Variants in TNFSF13 observed in about 807,000 individuals in gnomAD.
TNFSF13 encodes tumor necrosis factor ligand superfamily member 13.
Under a neutral mutation model 30.7 loss-of-function variants are expected in TNFSF13, and 18 were observed. That is an observed-to-expected ratio of 0.59 (90% CI 0.41 to 0.87). The LOEUF is 0.87. TNFSF13 is among the 40% of genes least tolerant of loss of function. The pLI is 0.00. For synonymous variants in TNFSF13, 116 were observed against 123.2 expected (o/e 0.94, Z 0.39); for missense variants, 286 against 308.8 (o/e 0.93, Z 0.55).
At chr17:7,560,536 TAGC>T (rs754034203) in intron 5 of TNFSF13, 48 bp downstream of exon 5, 2 of 1,612,690 alleles carry the variant, frequency 1.2e-6, no homozygotes, top group South Asian at 2.2e-5. Context: ...TGACCGGGGG[TAGC>T]AGTGCAGGGA....
At position 7,559,121 on chromosome 17, in the gene TNFSF13, T is replaced by C. The variant is rs1384035297; in HGVS notation, c.82T>C (p.Ser28Pro). Residue 28 changes from serine (S) to proline (P), a missense_variant, in exon 1 of 6, where the codon TCA (serine) becomes CCA (proline). Transcript: ENST00000338784. The surrounding 1 kb of genome is among the most constrained non-coding windows in gnomAD (Gnocchi z 5.4). ...MGGPVREPALSVALWLSWGAA... is the reference protein window; with the variant it reads ...MGGPVREPALPVALWLSWGAA... Reference sequence around the variant, plus strand: ...GGGCCCAGTCAGAGAGCCGGCACTCTCAGTTGCCCTCTGGTTGAGTTGGGG... The same window carrying C: ...GGGCCCAGTCAGAGAGCCGGCACTCCCAGTTGCCCTCTGGTTGAGTTGGGG... 4 of 1,606,104 alleles carry C rather than the reference T, an allele frequency of 2.5e-6. No individual in the cohort carries two copies. In the Admixed American group the frequency reaches 6.7e-5, roughly 27 times the overall value.
rs1180499652 is a variant in TNFSF13, at chr17:7,560,882, T to C, written c.*49T>C. On this transcript the variant is annotated 3_prime_UTR_variant, in exon 6 of 6. Coordinates refer to ENST00000338784, the MANE Select transcript of TNFSF13 (RefSeq NM_003808.4). The stretch of plus-strand genomic sequence containing the variant: ...AGCTTGGAAGACCAGGGTGGGTACA[T>C]ACTGGAGACAGCCAAGAGCTGAGTA... 3 of 1,614,008 alleles carry C rather than the reference T, an allele frequency of 1.9e-6. No homozygotes were observed. In the Admixed American group the frequency reaches 5.0e-5, roughly 27 times the overall value.
rs2071136264 is a variant in TNFSF13 at position 7,559,506 on chromosome 17, T to A, written c.259-118T>A. On this transcript the variant is annotated intron_variant, in intron 1 of 5. Transcript: ENST00000338784. The surrounding 1 kb of genome is among the most constrained non-coding windows in gnomAD (Gnocchi z 5.4). ...GGGCAGCCAGCACCAACACTCAGGG[T>A]GCTGGGAAAAGGTGCGTGAGAGATC... 4 of 1,428,620 alleles carry A rather than the reference T, an allele frequency of 2.8e-6. No individual in the cohort carries two copies. The highest frequency in any genetic ancestry group is 3.8e-6 in the Non-Finnish European group (4 of 1,059,260). 88.5% of individuals were successfully genotyped at this position (1,428,620 alleles called of 1,614,324 possible).
Position 7,559,491 on chromosome 17 carries a change from C to T in TNFSF13, c.259-133C>T. 1 of 1,385,592 alleles carries T rather than the reference C, an allele frequency of 7.2e-7. No homozygotes were observed. The highest frequency in any genetic ancestry group is 9.7e-7 in the Non-Finnish European group (1 of 1,027,732). The allele number at this position is 1,385,592 out of a possible 1,614,324, so 85.8% of individuals were successfully genotyped here. Reference sequence around the variant, plus strand: ...CTAACAAATCCTGGAGGGCAGCCAGCACCAACACTCAGGGTGCTGGGAAAA... The same window carrying T: ...CTAACAAATCCTGGAGGGCAGCCAGTACCAACACTCAGGGTGCTGGGAAAA... On this transcript the variant is annotated intron_variant, in intron 1 of 5. Transcript: ENST00000338784. This position sits in a 1 kb window ranked among gnomAD's most constrained non-coding sequence, Gnocchi z 5.4.
rs1052451936 is a variant in TNFSF13 at position 7,559,589 on chromosome 17, T to C, written c.259-35T>C. On this transcript the variant is annotated intron_variant, in intron 1 of 5. Coordinates refer to ENST00000338784, the MANE Select transcript of TNFSF13 (RefSeq NM_003808.4). The surrounding 1 kb of genome is among the most constrained non-coding windows in gnomAD (Gnocchi z 5.4). ...AGGCAGGCTGGCTGGGACCCTCGCATCTTAACCTAACCTTGACCCTCTTTC... is the reference window on the plus strand; with the variant it reads ...AGGCAGGCTGGCTGGGACCCTCGCACCTTAACCTAACCTTGACCCTCTTTC... 1 of 1,608,446 alleles carries C rather than the reference T, an allele frequency of 6.2e-7. No homozygotes were observed. The highest frequency in any genetic ancestry group is 1.3e-5 in the African/African-American group (1 of 74,862).
In TNFSF13 at chr17:7,559,331, T is replaced by A; in HGVS notation, c.258+34T>A. On this transcript the variant is annotated intron_variant, in intron 1 of 5. Coordinates refer to ENST00000338784, the MANE Select transcript of TNFSF13 (RefSeq NM_003808.4). This position sits in a 1 kb window ranked among gnomAD's most constrained non-coding sequence, Gnocchi z 5.4. ...GGGGAGGAGGGTGTCTGGGAGAGGA[T>A]GGTTAGCATGGGGGGTCTCTGGGCC... 1 of 1,553,626 alleles carries A rather than the reference T, an allele frequency of 6.4e-7. No individual in the cohort carries two copies. Among genetic ancestry groups the A allele is most frequent in the South Asian group, 1.2e-5 (1 of 83,570 alleles).
Position 7,558,931 on chromosome 17 carries a change from G to A in TNFSF13, c.-109G>A. 1 of 1,224,128 alleles carries A rather than the reference G, an allele frequency of 8.2e-7. No homozygotes were observed. The highest frequency in any genetic ancestry group is 1.1e-6 in the Non-Finnish European group (1 of 929,094). The allele number at this position is 1,224,128 out of a possible 1,614,324, so 75.8% of individuals were successfully genotyped here. On this transcript the variant is annotated 5_prime_UTR_variant, in exon 1 of 6. Transcript: ENST00000338784. This position sits in a 1 kb window ranked among gnomAD's most constrained non-coding sequence, Gnocchi z 4.3. Reference sequence around the variant, plus strand: ...TTCAAGTTCCTTTTTATTTCTCCTTGCGTAACAACCTTCTTCCCTTCTGCA... The same window carrying A: ...TTCAAGTTCCTTTTTATTTCTCCTTACGTAACAACCTTCTTCCCTTCTGCA...
chr17:7,560,798 C>G lies in TNFSF13; in HGVS notation c.718C>G (p.Pro240Ala). The G allele has an allele frequency of 6.2e-7, 1 of 1,614,152 alleles. No individual in the cohort carries two copies. The highest frequency in any genetic ancestry group is 8.5e-7 in the Non-Finnish European group (1 of 1,180,020). Residue 240 changes from proline to alanine, a missense_variant, in exon 6 of 6, where the codon CCA becomes GCA. Physicochemically the swap from Pro to Ala is conservative, Grantham distance 27. Transcript: ENST00000338784. The stretch of plus-strand genomic sequence containing the variant: ...GGCAAGGGCGAAACTTAACCTCTCT[C>G]CACATGGAACCTTCCTGGGGTTTGT... ...PRARAKLNLS[P>A]HGTFLGFVKL is the part of the protein sequence containing the mutation.
chr17:7,560,642 G>A, intron 5 of TNFSF13, 82 bp from the exon 6 acceptor site: 5 of 1,612,200 alleles, frequency 3.1e-6, no homozygotes, highest in East Asian at 4.5e-5. Context: ...GCAGAGGAAC[G>A]GTGGAGCTGG....
Position 7,560,743 on chromosome 17 carries a change from A to G in TNFSF13, c.663A>G (p.Gln221=), listed in dbSNP as rs772047424. ...CYSAGVFHLH[Q]GDILSVIIPR... ...TCTCAGGTGTCTTCCATTTACACCAAGGGGATATTCTGAGTGTCATAATTC... is the reference window on the plus strand; with the variant it reads ...TCTCAGGTGTCTTCCATTTACACCAGGGGGATATTCTGAGTGTCATAATTC... The change falls in exon 6 of 6, where the codon CAA becomes CAG. Residue 221 remains glutamine (Q), a synonymous_variant. Transcript: ENST00000338784. 6.2e-7 allele frequency: 1 copy of G among 1,614,188 alleles called. No homozygotes were observed. The highest frequency in any genetic ancestry group is 2.2e-5 in the East Asian group (1 of 44,890).
At position 7,561,194 on chromosome 17, in the gene TNFSF13, C is replaced by T. The variant is rs1764308783; in HGVS notation, c.*361C>T. ...CGCCGGTTGGCCGAAGTCCACGAAG[C>T]CGCCCTCTGCTAGGGAAAACCCCTG... is the stretch of plus-strand genomic sequence containing the variant. On this transcript the variant is annotated 3_prime_UTR_variant, in exon 6 of 6. Coordinates refer to ENST00000338784, the MANE Select transcript of TNFSF13 (RefSeq NM_003808.4). This position sits in a 1 kb window ranked among gnomAD's most constrained non-coding sequence, Gnocchi z 4.4. 4.8e-6 allele frequency: 4 copies of T among 839,842 alleles called. No individual in the cohort carries two copies. In the South Asian group the frequency reaches 6.4e-5, roughly 13 times the overall value. 52.0% of individuals were successfully genotyped at this position (839,842 alleles called of 1,614,324 possible). A position where few individuals can be genotyped will look rare whatever the true frequency, so the allele number is the denominator to read the frequency against.
upstream of TNFSF13, chr17:7,558,497 T>A (rs1253799744): frequency 6.5e-6 from 1 of 152,860 alleles, no homozygotes; most frequent in South Asian, 2.0e-4. This position sits in a 1 kb window ranked among gnomAD's most constrained non-coding sequence, Gnocchi z 4.3. Context: ...AGTTTCTTGC[T>A]TCCGTGCCCC....
Position 7,558,963 on chromosome 17 carries a change from C to T in TNFSF13, c.-77C>T. ...AACCTTCTTCCCTTCTGCACCACTG[C>T]CCGTACCCTTACCCGCCCCGCCACC... On this transcript the variant is annotated 5_prime_UTR_variant, in exon 1 of 6. Coordinates refer to ENST00000338784, the MANE Select transcript of TNFSF13 (RefSeq NM_003808.4). The surrounding 1 kb of genome is among the most constrained non-coding windows in gnomAD (Gnocchi z 4.3). The T allele has an allele frequency of 2.0e-6, 3 of 1,464,084 alleles. No individual in the cohort carries two copies. The South Asian group carries it at 4.3e-5, about 21-fold the overall frequency. 90.7% of individuals were successfully genotyped at this position (1,464,084 alleles called of 1,614,324 possible). A position where few individuals can be genotyped will look rare whatever the true frequency, so the allele number is the denominator to read the frequency against.
chr17:7,560,765 A>G lies in TNFSF13; in HGVS notation c.685A>G (p.Ile229Val), dbSNP rs1443991935. Residue 229 changes from isoleucine (I) to valine (V), a missense_variant, in exon 6 of 6, where the codon ATT becomes GTT. Coordinates refer to ENST00000338784, the MANE Select transcript of TNFSF13 (RefSeq NM_003808.4). The part of the protein sequence containing the change: ...LHQGDILSVI[I>V]PRARAKLNLS... ...CCAAGGGGATATTCTGAGTGTCATA[A>G]TTCCCCGGGCAAGGGCGAAACTTAA... The G allele has an allele frequency of 2.5e-6, 4 of 1,614,160 alleles. No individual in the cohort carries two copies. The highest frequency in any genetic ancestry group is 3.4e-6 in the Non-Finnish European group (4 of 1,180,014).
chr17:7,558,969 C>A lies in TNFSF13; in HGVS notation c.-71C>A. The A allele has an allele frequency of 1.4e-6, 2 of 1,475,984 alleles. 1 individual carries two copies. The highest frequency in any genetic ancestry group is 2.8e-5 in the South Asian group (2 of 70,430). 91.4% of individuals were successfully genotyped at this position (1,475,984 alleles called of 1,614,324 possible). On this transcript the variant is annotated 5_prime_UTR_variant, in exon 1 of 6. Coordinates refer to ENST00000338784, the MANE Select transcript of TNFSF13 (RefSeq NM_003808.4). This position sits in a 1 kb window ranked among gnomAD's most constrained non-coding sequence, Gnocchi z 4.3. Reference sequence around the variant, plus strand: ...CTTCCCTTCTGCACCACTGCCCGTACCCTTACCCGCCCCGCCACCTCCTTG... The same window carrying A: ...CTTCCCTTCTGCACCACTGCCCGTAACCTTACCCGCCCCGCCACCTCCTTG...
In TNFSF13 at chr17:7,559,005, C is replaced by A; in HGVS notation, c.-35C>A. 1 of 1,495,354 alleles carries A rather than the reference C, an allele frequency of 6.7e-7. No homozygotes were observed. The highest frequency in any genetic ancestry group is 1.4e-5 in the South Asian group (1 of 72,926). 92.6% of individuals were successfully genotyped at this position (1,495,354 alleles called of 1,614,324 possible). On this transcript the variant is annotated 5_prime_UTR_variant, in exon 1 of 6. Coordinates refer to ENST00000338784, the MANE Select transcript of TNFSF13 (RefSeq NM_003808.4). This position sits in a 1 kb window ranked among gnomAD's most constrained non-coding sequence, Gnocchi z 5.4. ...CCCGCCACCTCCTTGCTACCCCACT[C>A]TTGAAACCACAGCTGTTGGCAGGGT...
Sources: gnomAD v4.1 joint callset for allele counts on GRCh38, gnomAD v4.1.1 for gene constraint, Gnocchi (gnomAD v3.1) non-coding constraint, MANE v1.5 for transcripts, NCBI Gene and HGNC (gene_info 2026-07-23, HGNC 2026-07-21) for gene names.